The following KHDRBS1 variants were observed in gnomAD, a reference collection of about 807,000 sequenced individuals.
The protein encoded by KHDRBS1 is KH domain-containing, RNA-binding, signal transduction-associated protein 1.
Under a neutral mutation model 48.4 loss-of-function variants are expected in KHDRBS1, and 7 were observed. The ratio of observed to expected loss-of-function variants is 0.14; its 90% confidence interval spans 0.08 to 0.27. The LOEUF is 0.27. KHDRBS1 is among the 10% of genes least tolerant of loss of function. The pLI, the probability that KHDRBS1 is intolerant of heterozygous loss-of-function variation, is 1.00. For synonymous variants in KHDRBS1, 241 were observed against 235.8 expected (o/e 1.02, Z -0.20); for missense variants, 458 against 601.2 (o/e 0.76, Z 2.49).
At chr1:32,056,504 G>A (rs1409561508) in intron 10 of KHDRBS1, among the ~76,000 whole-genome samples, 1 of 152,174 alleles carries the variant, frequency 6.6e-6, no homozygotes, top group Non-Finnish European at 1.5e-5. Context: ...CCCACCTCAG[G>A]GTATCCAGTC....
At chr1:32,060,238 A>G (rs1318193195) in exon 11 of KHDRBS1, 1 of 152,284 alleles carries the variant, frequency 6.6e-6, no homozygotes, top group Non-Finnish European at 1.5e-5. Context: ...CTGAACACAG[A>G]GAAACCCAGG....
chr1:32,052,697 G>C (rs531905672), intron 10 of KHDRBS1: 4 of 151,968 alleles, frequency 2.6e-5, no homozygotes, highest in African/African-American at 9.7e-5. Flanking sequence ...GCGCCCAGCC[G>C]AGTGGTTTCT....
intron 4 of KHDRBS1, among the ~76,000 whole-genome samples, chr1:32,035,301 T>A (rs1305987513): frequency 6.6e-6 from 1 of 152,052 alleles, no homozygotes; most frequent in Non-Finnish European, 1.5e-5. Flanking sequence ...TGAGCAATGG[T>A]CTGGCATTGG....
chr1:32,038,433 GA>G, intron 6 of KHDRBS1, 118 bp from the exon 7 acceptor site: 1 of 976,736 alleles, frequency 1.0e-6, no homozygotes, highest in South Asian at 1.5e-5. Context: ...TAACATTTTG[GA>G]GGGAAATGTC....
At chr1:32,024,485 T>A (rs1017516216) in intron 1 of KHDRBS1, among the ~76,000 whole-genome samples, 28 of 150,042 alleles carry the variant, frequency 1.9e-4, no homozygotes, top group East Asian at 3.9e-4. Flanking sequence ...TAATTTAATT[T>A]ATTTTTTTTT....
chr1:32,028,015 G>A (rs973323799), intron 1 of KHDRBS1, among the ~76,000 whole-genome samples: 15 of 152,216 alleles, frequency 9.9e-5, no homozygotes, highest in Admixed American at 6.5e-4. Context: ...TACTCGGAAG[G>A]CTGAGGCAGG....
intron 1 of KHDRBS1, among the ~76,000 whole-genome samples, 166 bp downstream of exon 1, chr1:32,014,543 G>C (rs552737484): frequency 6.6e-6 from 1 of 152,344 alleles, no homozygotes; most frequent in South Asian, 2.1e-4. Flanking sequence ...CCTCAGCCCG[G>C]AGTGCGTGGG....
intron 10 of KHDRBS1, among the ~76,000 whole-genome samples, chr1:32,056,066 C>T (rs767356835): frequency 2.0e-5 from 3 of 152,106 alleles, no homozygotes; most frequent in Non-Finnish European, 4.4e-5. Context: ...ATTTCATAGC[C>T]GTGCTGCTAA....
At chr1:32,035,600 C>G (rs1355022168) in intron 4 of KHDRBS1, among the ~76,000 whole-genome samples, 1 of 152,156 alleles carries the variant, frequency 6.6e-6, no homozygotes, top group African/African-American at 2.4e-5. Flanking sequence ...TTAACTATAC[C>G]AGCAATGCTT....
Position 32,037,883 on chromosome 1 carries a change from A to G in KHDRBS1, c.954A>G (p.Pro318=), listed in dbSNP as rs1400359432. Residue 318 remains proline, a synonymous_variant, in exon 6 of 9, where the codon CCA becomes CCG. Transcript: ENST00000327300. ...PPRGALVRGT[P]VRGAITRGAT... is the part of the protein sequence containing the mutation. ...GGGGGGCTTTGGTACGTGGTACACC[A>G]GTAAGGGGAGCCATCACCAGAGGTG... 3 of 1,614,232 alleles carry G rather than the reference A, an allele frequency of 1.9e-6. No homozygotes were observed. The highest frequency in any genetic ancestry group is 2.5e-6 in the Non-Finnish European group (3 of 1,180,036).
At chr1:32,033,546 T>A (rs565311177) in intron 4 of KHDRBS1, among the ~76,000 whole-genome samples, 2 of 152,218 alleles carry the variant, frequency 1.3e-5, no homozygotes, top group South Asian at 4.1e-4. Flanking sequence ...TTGTCTAATG[T>A]GGTTTTCATT....
At chr1:32,049,575 T>C (rs1335522742) in intron 10 of KHDRBS1, among the ~76,000 whole-genome samples, 2 of 152,180 alleles carry the variant, frequency 1.3e-5, no homozygotes, top group African/African-American at 4.8e-5. Context: ...TAAGTTTTTG[T>C]GTGGACATGT....
intron 10 of KHDRBS1, among the ~76,000 whole-genome samples, chr1:32,048,996 A>C (rs1031522663): frequency 1.3e-5 from 2 of 151,782 alleles, no homozygotes; most frequent in Non-Finnish European, 2.9e-5. Context: ...GATTTCATAC[A>C]AATGAAATTA....
chr1:32,014,765 A>G (rs1300304949), intron 1 of KHDRBS1, among the ~76,000 whole-genome samples: 2 of 152,018 alleles, frequency 1.3e-5, no homozygotes, highest in African/African-American at 2.4e-5. Flanking sequence ...GGTGGCGATG[A>G]GCGCCTCGAC....
At chr1:32,052,223 A>G (rs1385282143) in intron 10 of KHDRBS1, 1 of 152,204 alleles carries the variant, frequency 6.6e-6, no homozygotes, top group Non-Finnish European at 1.5e-5. Context: ...ATTTTTGTAC[A>G]GCAAAGTCTA....
chr1:32,048,820 A>T (rs1400227101), downstream of KHDRBS1, among the ~76,000 whole-genome samples: 1 of 152,006 alleles, frequency 6.6e-6, no homozygotes, highest in African/African-American at 2.4e-5. Context: ...TGTCTTTATC[A>T]TTCCAAAAAG....
At position 32,036,855 on chromosome 1, in the gene KHDRBS1, T is replaced by A. The variant is rs1414682807; in HGVS notation, c.772-55T>A. 5 of 1,543,376 alleles carry A rather than the reference T, an allele frequency of 3.2e-6. No homozygotes were observed. The African/African-American group carries it at 6.9e-5, about 21-fold the overall frequency. On this transcript the variant is annotated intron_variant, in intron 4 of 8. Transcript: ENST00000327300. Reference sequence around the variant, plus strand: ...TCAAGTCTCCCGTGGACCAGATGATTTCTCAGTAGAAAGTGTAGATACCAC... The same window carrying A: ...TCAAGTCTCCCGTGGACCAGATGATATCTCAGTAGAAAGTGTAGATACCAC...
chr1:32,038,035 A>G lies in KHDRBS1; in HGVS notation c.1106A>G (p.Tyr369Cys). 1.2e-6 allele frequency: 2 copies of G among 1,613,902 alleles called. No individual in the cohort carries two copies. The highest frequency in any genetic ancestry group is 8.5e-7 in the Non-Finnish European group (1 of 1,179,840). ...CCTGCACCAGAAACATATGAAGAAT[A>G]TGTAAGAAATTTGAACAATGTGCCA... ...PPPAPETYEE[Y>C]GYDDTYAEQS... The change falls in exon 6 of 9, where the codon TAT becomes TGT. Residue 369 changes from tyrosine (Y) to cysteine (C), a missense_variant and splice_region_variant. By Grantham distance (194) the Tyr-to-Cys change is radical (BLOSUM62 -2). Transcript: ENST00000327300.
chr1:32,053,581 C>T (rs999742390), intron 10 of KHDRBS1, among the ~76,000 whole-genome samples: 1 of 152,058 alleles, frequency 6.6e-6, no homozygotes, highest in Non-Finnish European at 1.5e-5. Flanking sequence ...AGAAACAAGT[C>T]TCTATGTTGC....
Sources: allele counts gnomAD v4.1 joint callset (sites outside exome capture counted in the v4.1 genomes callset), GRCh38; gene constraint gnomAD v4.1.1; transcripts MANE v1.5; gene names NCBI Gene and HGNC (gene_info 2026-07-23, HGNC 2026-07-21).